Variants in DENND4A observed in about 807,000 individuals in gnomAD.
The protein encoded by DENND4A is DENN domain containing 4A.
DENND4A carries 70 observed loss-of-function variants against 199.3 expected under a neutral mutation model. The observed-to-expected ratio is 0.35, with a 90% CI of 0.29 to 0.43. DENND4A has a LOEUF of 0.43. Among genes scored for constraint, DENND4A ranks in the 20% least tolerant of loss-of-function variants. The pLI is 1.00. For missense variants in DENND4A, 1,723 were observed against 2,255.8 expected, an observed-to-expected ratio of 0.76 and a Z score of 4.78; for synonymous variants, 686 against 766.9, an observed-to-expected ratio of 0.89 and a Z score of 1.74.
Position 65,737,900 on chromosome 15 carries a change from TCTC to T in DENND4A, c.844_846del (p.Glu282del). Reference sequence around the variant, plus strand: ...AGAAGTCTCTGCTTTTCTGTGAGATTCTCCTCAGAGTATGGTTCATAAAACTGA... The same window carrying T: ...AGAAGTCTCTGCTTTTCTGTGAGATTCTCAGAGTATGGTTCATAAAACTGA... On this transcript the variant is annotated inframe_deletion, in exon 7 of 33. Coordinates refer to ENST00000443035, the MANE Select transcript of DENND4A (RefSeq NM_001320835.1). The T allele has an allele frequency of 6.2e-6, 10 of 1,602,200 alleles. No homozygotes were observed. The highest frequency in any genetic ancestry group is 8.5e-6 in the Non-Finnish European group (10 of 1,173,706).
At chr15:65,665,045 C>T (rs2075989526) in intron 30 of DENND4A, 2 of 459,474 alleles carry the variant, frequency 4.4e-6, no homozygotes, top group African/African-American at 2.0e-5. Flanking sequence ...TTGGGATGAG[C>T]AATGTGCTGA....
chr15:65,664,589 C>T lies in DENND4A; in HGVS notation c.5493G>A (p.Leu1831=). The T allele has an allele frequency of 6.2e-7, 1 of 1,612,468 alleles. No homozygotes were observed. Among genetic ancestry groups the T allele is most frequent in the South Asian group, 1.1e-5 (1 of 90,988 alleles). The change falls in exon 31 of 33, where the codon CTG becomes CTA. Residue 1831 remains leucine, a synonymous_variant. Coordinates refer to ENST00000443035, the MANE Select transcript of DENND4A (RefSeq NM_001320835.1). ...GTCTTTTAAAATGTGGACACTTATT[C>T]AGTGTCTCTAAAATCTGACTCATTG... ...YGPMSQILET[L]NKCPHFKRQR...
intron 1 of DENND4A, chr15:65,771,880 G>A: frequency 1.2e-6 from 2 of 1,611,666 alleles, no homozygotes; most frequent in South Asian, 1.1e-5. Context: ...AGCATCTGTT[G>A]CTCCAGGTGC....
At position 65,676,601 on chromosome 15, in the gene DENND4A, C is replaced by A. The variant is rs776537138; in HGVS notation, c.4213G>T (p.Val1405Leu). Residue 1405 changes from valine (V) to leucine (L), a missense_variant, in exon 24 of 33, where the codon GTG becomes TTG. Physicochemically the swap from Val to Leu is conservative, Grantham distance 32 (BLOSUM62 1). Around this residue, in one of 6 missense-constraint regions of DENND4A, gnomAD observed 650 missense variants for 738.1 expected, o/e 0.88. Transcript: ENST00000443035. Reference sequence around the variant, plus strand: ...GTAGATTCAGAATCCTGGGCTCCCACTGAAGAAAGACTGGTACGATCAGAA... The same window carrying A: ...GTAGATTCAGAATCCTGGGCTCCCAATGAAGAAAGACTGGTACGATCAGAA... ...QSSDRTSLSSVGAQDSESTSL... is the reference protein window; with the variant it reads ...QSSDRTSLSSLGAQDSESTSL... 1 of 1,613,164 alleles carries A rather than the reference C, an allele frequency of 6.2e-7. No homozygotes were observed.
intron 14 of DENND4A, among the ~76,000 whole-genome samples, 151 bp from the exon 15 acceptor site, chr15:65,706,375 ATAAT>A (rs1808942071): frequency 6.6e-6 from 1 of 152,122 alleles, no homozygotes; most frequent in Admixed American, 6.6e-5. Flanking sequence ...GAGTGCCAAA[ATAAT>A]TAAGTGAAAA....
intron 14 of DENND4A, among the ~76,000 whole-genome samples, chr15:65,708,032 T>C (rs1309238924): frequency 6.6e-6 from 1 of 152,164 alleles, no homozygotes; most frequent in African/African-American, 2.4e-5. Context: ...GGTCTTGCTC[T>C]GTTGCCCAGG....
chr15:65,770,621 A>C (rs2077101932), intron 1 of DENND4A, among the ~76,000 whole-genome samples: 1 of 152,212 alleles, frequency 6.6e-6, no homozygotes, highest in Non-Finnish European at 1.5e-5. Context: ...TAAGCTGATA[A>C]TACTATAAGA....
intron 4 of DENND4A, among the ~76,000 whole-genome samples, chr15:65,748,953 A>G (rs1038557844): frequency 4.0e-5 from 6 of 150,954 alleles, no homozygotes; most frequent in Non-Finnish European, 8.9e-5. Flanking sequence ...TGAGCAGTCC[A>G]CTATACTCCA....
At chr15:65,685,288 G>C (rs187692115) in intron 23 of DENND4A, among the ~76,000 whole-genome samples, 1 of 152,156 alleles carries the variant, frequency 6.6e-6, no homozygotes, top group African/African-American at 2.4e-5. Context: ...CACCGTGCCC[G>C]GCTAATTTTT....
chr15:65,741,591 A>G, intron 5 of DENND4A, 124 bp downstream of exon 5: 1 of 601,128 alleles, frequency 1.7e-6, no homozygotes, highest in Non-Finnish European at 2.8e-6. Context: ...AATGAGAATC[A>G]GAAGATACGG....
intron 10 of DENND4A, 75 bp from the exon 11 acceptor site, chr15:65,729,322 C>A (rs2075894309): frequency 6.7e-7 from 1 of 1,485,258 alleles, no homozygotes; most frequent in Admixed American, 2.0e-5. Context: ...ACACAAAAAA[C>A]TGTCTTTTAA....
chr15:65,785,102 G>C (rs1277179906), intron 1 of DENND4A, among the ~76,000 whole-genome samples: 1 of 151,620 alleles, frequency 6.6e-6, no homozygotes, highest in Non-Finnish European at 1.5e-5. Flanking sequence ...CTCCAGCCTG[G>C]GTGACAGAAC....
intron 4 of DENND4A, among the ~76,000 whole-genome samples, chr15:65,747,696 T>C (rs12907981): frequency 0.2 from 29,978 of 151,896 alleles, 3,948 homozygotes; most frequent in East Asian, 0.73. Flanking sequence ...TTGCTTCATC[T>C]TAACCCTCAG....
chr15:65,753,359 T>C (rs2076616078), intron 3 of DENND4A, among the ~76,000 whole-genome samples: 1 of 152,156 alleles, frequency 6.6e-6, no homozygotes, highest in Non-Finnish European at 1.5e-5. Context: ...AAGCTATATA[T>C]GGTTTTTTTG....
intron 2 of DENND4A, among the ~76,000 whole-genome samples, chr15:65,757,049 T>A (rs2076722029): frequency 6.6e-6 from 1 of 151,848 alleles, no homozygotes; most frequent in South Asian, 2.1e-4. Context: ...AATAAATAAA[T>A]AAATAAATAA....
chr15:65,664,541 G>T lies in DENND4A; in HGVS notation c.5522+19C>A. Reference sequence around the variant, plus strand: ...ATCTGCCTAGGAGAACAATATATTCGTCTAAGAGAAGGACTTACCTCTGTC... The same window carrying T: ...ATCTGCCTAGGAGAACAATATATTCTTCTAAGAGAAGGACTTACCTCTGTC... On this transcript the variant is annotated intron_variant, in intron 31 of 32. Coordinates refer to ENST00000443035, the MANE Select transcript of DENND4A (RefSeq NM_001320835.1). 1 of 1,603,912 alleles carries T rather than the reference G, an allele frequency of 6.2e-7. No individual in the cohort carries two copies. Among genetic ancestry groups the T allele is most frequent in the Non-Finnish European group, 8.5e-7 (1 of 1,173,142 alleles).
At position 65,729,057 on chromosome 15, in the gene DENND4A, C is replaced by A. The variant is rs1266142266; in HGVS notation, c.1487+15G>T. ...GTTGTAAAATATACATGTAGAATCA[C>A]TAAAATGTACTTACTGAGAAATAGT... On this transcript the variant is annotated intron_variant, in intron 11 of 32. Transcript: ENST00000443035. 1 of 1,564,426 alleles carries A rather than the reference C, an allele frequency of 6.4e-7. No individual in the cohort carries two copies. The highest frequency in any genetic ancestry group is 2.3e-5 in the East Asian group (1 of 43,022).
chr15:65,714,991 T>C (rs1041588746), intron 14 of DENND4A: 1 of 154,266 alleles, frequency 6.5e-6, no homozygotes, highest in African/African-American at 2.4e-5. Context: ...CCTAATGATA[T>C]TAGGACTGAA....
At chr15:65,790,533 T>C (rs1206630483) in intron 1 of DENND4A, among the ~76,000 whole-genome samples, 1 of 152,140 alleles carries the variant, frequency 6.6e-6, no homozygotes, top group Non-Finnish European at 1.5e-5. Flanking sequence ...TGTTTAATCA[T>C]TCAGAAAAAG....
Sources: gnomAD v4.1 joint callset for allele counts (sites outside exome capture counted in the v4.1 genomes callset) on GRCh38, gnomAD v4.1.1 for gene constraint, gnomAD v4.1.1 regional missense constraint, MANE v1.5 for transcripts, NCBI Gene and HGNC (gene_info 2026-07-23, HGNC 2026-07-21) for gene names.